BTBD8: variants seen among roughly 807,000 people sequenced by gnomAD.
BTBD8 encodes the protein BTB/POZ domain-containing protein 8.
Under a neutral mutation model 162.9 loss-of-function variants are expected in BTBD8, and 110 were observed. The observed-to-expected ratio is 0.68, with a 90% CI of 0.58 to 0.79. The LOEUF (loss-of-function observed/expected upper bound fraction) is 0.79, where lower values mean the gene tolerates loss of function less well. Among genes scored for constraint, BTBD8 ranks in the 30% least tolerant of loss-of-function variants. The pLI is 0.00. For missense variants in BTBD8, 1,905 were observed against 2,085.4 expected (o/e 0.91, Z 1.68); for synonymous variants, 667 against 716.1 (o/e 0.93, Z 1.10).
chr1:92,167,039 G>A lies in BTBD8; in HGVS notation c.1204G>A (p.Ala402Thr). The part of the protein sequence containing the change: ...SLPRVKWTEA[A>T]LTMASQLQEK... Reference sequence around the variant, plus strand: ...ACCCAGAGTGAAGTGGACGGAAGCAGCACTGACCATGGCGTCTCAGCTTCA... The same window carrying A: ...ACCCAGAGTGAAGTGGACGGAAGCAACACTGACCATGGCGTCTCAGCTTCA... The change falls in exon 10 of 18, where the codon GCA (alanine) becomes ACA (threonine). Residue 402 changes from alanine to threonine, a missense_variant. Transcript: ENST00000636805. The A allele has an allele frequency of 1.3e-6, 2 of 1,550,786 alleles. No homozygotes were observed. Among genetic ancestry groups the A allele is most frequent in the Non-Finnish European group, 1.7e-6 (2 of 1,147,062 alleles).
intron 2 of BTBD8, among the ~76,000 whole-genome samples, chr1:92,099,757 G>A (rs577133834): frequency 2.0e-5 from 3 of 152,270 alleles, no homozygotes; most frequent in African/African-American, 7.2e-5. Flanking sequence ...AACTTGTTTA[G>A]TAGTGTTTTT....
chr1:92,160,917 A>G (rs1411820521), intron 9 of BTBD8, among the ~76,000 whole-genome samples: 1 of 152,182 alleles, frequency 6.6e-6, no homozygotes, highest in African/African-American at 2.4e-5. Flanking sequence ...CAGCACTCCA[A>G]GACTGCAAGA....
rs762102283 is a variant in BTBD8, at chr1:92,088,902, G to A, written c.347+7G>A. 6.3e-6 allele frequency: 10 copies of A among 1,596,138 alleles called. No homozygotes were observed. Among genetic ancestry groups the A allele is most frequent in the Admixed American group, 5.1e-5 (3 of 59,206 alleles). On this transcript the variant is annotated splice_region_variant and intron_variant, in intron 2 of 17. Transcript: ENST00000636805. ...AATTTAGAACGTTTTTACAGTAAGT[G>A]CTTTCTTTATCCATGTAAGTCTAAT...
At chr1:92,174,593 C>A (rs1650649268) in intron 13 of BTBD8, among the ~76,000 whole-genome samples, 1 of 151,290 alleles carries the variant, frequency 6.6e-6, no homozygotes, top group Admixed American at 6.6e-5. Context: ...AAGCAGAAGT[C>A]AGCCTGGTTT....
chr1:92,130,254 T>C (rs1649480530), intron 5 of BTBD8, among the ~76,000 whole-genome samples: 1 of 152,154 alleles, frequency 6.6e-6, no homozygotes, highest in African/African-American at 2.4e-5. Context: ...AATTACTTTC[T>C]CAGAGGCCCC....
chr1:92,102,012 T>C (rs1648603185), intron 2 of BTBD8, among the ~76,000 whole-genome samples: 1 of 152,088 alleles, frequency 6.6e-6, no homozygotes. Flanking sequence ...CTGTTTTATT[T>C]TATTTATTAT....
chr1:92,153,602 A>T (rs555349614), intron 9 of BTBD8, among the ~76,000 whole-genome samples: 2 of 152,168 alleles, frequency 1.3e-5, no homozygotes, highest in Non-Finnish European at 2.9e-5. Flanking sequence ...GGAAGCATAC[A>T]GTATTTGCCT....
At chr1:92,097,611 A>G (rs1055247529) in intron 2 of BTBD8, among the ~76,000 whole-genome samples, 1 of 152,150 alleles carries the variant, frequency 6.6e-6, no homozygotes, top group Admixed American at 6.5e-5. Flanking sequence ...TATTCTGGTC[A>G]TTTCATATAA....
At chr1:92,082,630 G>C (rs775648191) in intron 1 of BTBD8, among the ~76,000 whole-genome samples, 1 of 152,196 alleles carries the variant, frequency 6.6e-6, no homozygotes, top group Non-Finnish European at 1.5e-5. Context: ...TTGATTTTGA[G>C]AAAGCAAGTC....
chr1:92,139,614 CTT>C (rs1649719137), intron 6 of BTBD8, 184 bp downstream of exon 6: 6 of 1,183,018 alleles, frequency 5.1e-6, no homozygotes, highest in East Asian at 7.0e-5. Flanking sequence ...GAAAAGGTGA[CTT>C]ATCAACTCAC....
chr1:92,103,669 C>T (rs1648654673), intron 3 of BTBD8, among the ~76,000 whole-genome samples: 1 of 152,136 alleles, frequency 6.6e-6, no homozygotes. Flanking sequence ...TCTCTAGAGA[C>T]AGAAAGACCT....
chr1:92,146,598 C>T (rs893330278), intron 7 of BTBD8, among the ~76,000 whole-genome samples: 1 of 152,132 alleles, frequency 6.6e-6, no homozygotes, highest in African/African-American at 2.4e-5. Flanking sequence ...ATCCTCTATG[C>T]TCTGACTGCT....
chr1:92,089,815 A>G (rs1648252173), intron 2 of BTBD8, among the ~76,000 whole-genome samples: 1 of 152,162 alleles, frequency 6.6e-6, no homozygotes, highest in South Asian at 2.1e-4. Flanking sequence ...GGGGGACACA[A>G]ACATTCAGAC....
intron 9 of BTBD8, among the ~76,000 whole-genome samples, chr1:92,160,514 G>A (rs551143179): frequency 6.6e-6 from 1 of 152,180 alleles, no homozygotes; most frequent in South Asian, 2.1e-4. Context: ...AGCCCAGCCA[G>A]AGATTCAGGG....
chr1:92,182,679 A>G (rs887263910), intron 17 of BTBD8, 84 bp downstream of exon 17: 1 of 795,330 alleles, frequency 1.3e-6, no homozygotes, highest in African/African-American at 1.8e-5. Context: ...TGAATGTTAT[A>G]TTTTAGTCAG....
intron 9 of BTBD8, among the ~76,000 whole-genome samples, chr1:92,155,401 C>G (rs1204691908): frequency 1.3e-5 from 2 of 151,994 alleles, no homozygotes; most frequent in African/African-American, 4.8e-5. Context: ...GCATGTCTTT[C>G]TGTTTGTCTT....
intron 12 of BTBD8, among the ~76,000 whole-genome samples, chr1:92,170,872 A>ATTGT (rs35289394): frequency 0.74 from 111,516 of 151,344 alleles, 42,088 homozygotes; most frequent in East Asian, 0.97. Flanking sequence ...TATTTTGAAG[A>ATTGT]TTCTTATTTT....
In BTBD8 at chr1:92,173,144, C is replaced by T. The variant is rs906381114; in HGVS notation, c.1635+1684C>T. 8.5e-5 allele frequency among the ~76,000 whole-genome samples: 13 copies of T among 152,284 alleles called. No homozygotes were observed. In the South Asian group the frequency reaches 1.0e-3, roughly 12 times the overall value. On this transcript the variant is annotated intron_variant, in intron 13 of 17. Transcript: ENST00000636805. ...TTCTCCATGTTGTTCAGGCTGGTCTCGAACTCCCGACCTCAGGTGATCTGC... is the reference window on the plus strand; with the variant it reads ...TTCTCCATGTTGTTCAGGCTGGTCTTGAACTCCCGACCTCAGGTGATCTGC...
At chr1:92,110,584 T>A (rs1373726012) in intron 4 of BTBD8, among the ~76,000 whole-genome samples, 1 of 152,156 alleles carries the variant, frequency 6.6e-6, no homozygotes, top group African/African-American at 2.4e-5. Flanking sequence ...ATGCTCTCAG[T>A]TGCCATATGA....
Sources: allele counts gnomAD v4.1 joint callset (sites outside exome capture counted in the v4.1 genomes callset), GRCh38; gene constraint gnomAD v4.1.1; transcripts MANE v1.5; gene names NCBI Gene and HGNC (gene_info 2026-07-23, HGNC 2026-07-21).